SH3TC1: variants seen among roughly 807,000 people sequenced by gnomAD.
The protein encoded by SH3TC1 is SH3 domain and tetratricopeptide repeat-containing protein 1.
Under a neutral mutation model 117.3 loss-of-function variants are expected in SH3TC1, and 135 were observed. The observed-to-expected ratio is 1.15, with a 90% CI of 1.00 to 1.33. SH3TC1 has a LOEUF of 1.33. Ranked by LOEUF, SH3TC1 falls within the 40% of genes most tolerant of loss-of-function variation. The pLI is 0.00. For missense variants in SH3TC1, 2,092 were observed against 1,794.3 expected (o/e 1.17, Z -3.00); for synonymous variants, 898 against 816.9 (o/e 1.10, Z -1.69).
intron 1 of SH3TC1, among the ~76,000 whole-genome samples, chr4:8,188,825 C>T (rs1717317195): frequency 6.6e-6 from 1 of 152,238 alleles, no homozygotes; most frequent in Non-Finnish European, 1.5e-5. Context: ...CAAGGGGCTG[C>T]TGCCTGGAGC....
In SH3TC1 at chr4:8,183,372, C is replaced by T. The variant is rs896353989; in HGVS notation, c.-57+1162C>T. Among the ~76,000 whole-genome samples, 1 of 152,188 alleles carries T rather than the reference C, an allele frequency of 6.6e-6. No homozygotes were observed. The highest frequency in any genetic ancestry group is 2.4e-5 in the African/African-American group (1 of 41,450). The stretch of plus-strand genomic sequence containing the variant: ...TTTCCTGGTGCTGTGGGAACAATGA[C>T]CAGAAACCGGCCCTGCCCCACGCAT... On this transcript the variant is annotated intron_variant, in intron 1 of 16. Transcript: ENST00000508641. The surrounding 1 kb of genome is among the most constrained non-coding windows in gnomAD (Gnocchi z 5.4).
chr4:8,212,735 G>A lies in SH3TC1; in HGVS notation c.282G>A (p.Lys94=), dbSNP rs1718861743. The A allele has an allele frequency of 1.2e-6, 2 of 1,612,872 alleles. No individual in the cohort carries two copies. Among genetic ancestry groups the A allele is most frequent in the African/African-American group, 2.7e-5 (2 of 74,934 alleles). The change falls in exon 4 of 18, where the codon AAG becomes AAA. Residue 94 remains lysine (K), a synonymous_variant. Transcript: ENST00000245105. Reference sequence around the variant, plus strand: ...TGCAGCTGCTGGCTGTGCGGAGGAAGAGCAGACTGCGGGACCCCGGCCTAC... The same window carrying A: ...TGCAGCTGCTGGCTGTGCGGAGGAAAAGCAGACTGCGGGACCCCGGCCTAC... ...LTLQLLAVRR[K]SRLRDPGLQQ... is the part of the protein sequence containing the mutation.
intron 8 of SH3TC1, 71 bp from the exon 9 acceptor site, chr4:8,219,264 A>T (rs1719656241): frequency 6.9e-7 from 1 of 1,444,316 alleles, no homozygotes; most frequent in Non-Finnish European, 9.3e-7. Flanking sequence ...GGTGGCTGGC[A>T]TCGGCCCTGT....
rs145901044 is a variant in SH3TC1 at position 8,206,472 on chromosome 4, C to T, written c.172+1106C>T. Among the ~76,000 whole-genome samples the T allele has an allele frequency of 4.9e-3, 742 of 152,216 alleles. 3 individuals are homozygous for T. The highest frequency in any genetic ancestry group is 0.017 in the Middle Eastern group (5 of 294). On this transcript the variant is annotated intron_variant, in intron 2 of 17. Coordinates refer to ENST00000245105, the MANE Select transcript of SH3TC1 (RefSeq NM_018986.5). The surrounding 1 kb of genome is among the most constrained non-coding windows in gnomAD (Gnocchi z 5.5). ...CCCTGGCCAGCCTCCCACAGAGCCG[C>T]GGGGCCCAGGGAGGAGCTGGGAGCC...
intron 1 of SH3TC1, 167 bp from the exon 2 acceptor site, chr4:8,205,000 A>C (rs1329560120): frequency 8.6e-6 from 4 of 465,082 alleles, no homozygotes; most frequent in Non-Finnish European, 1.5e-5. Context: ...GTGCGGGATC[A>C]CGCCCACCAC....
chr4:8,234,501 ATCCATTCATCTGTCCATCCGTCCG>A, intron 14 of SH3TC1, among the ~76,000 whole-genome samples: 1 of 149,142 alleles, frequency 6.7e-6, no homozygotes, highest in Non-Finnish European at 1.5e-5. Context: ...CCACCCATCC[ATCCATTCATCTGTCCATCCGTCCG>A]TCCATCCATC....
At chr4:8,233,010 C>G (rs1050852745) in intron 13 of SH3TC1, 1 of 1,199,980 alleles carries the variant, frequency 8.3e-7, no homozygotes, top group Admixed American at 3.7e-5. Context: ...GACTGTGATG[C>G]CTGCGCACCT....
intron 9 of SH3TC1, 119 bp downstream of exon 9, chr4:8,219,649 A>T (rs568962875): frequency 6.2e-6 from 7 of 1,132,880 alleles, no homozygotes; most frequent in Non-Finnish European, 8.4e-6. Flanking sequence ...GACGATGCCT[A>T]GTCTCTTCCC....
intron 4 of SH3TC1, among the ~76,000 whole-genome samples, chr4:8,213,975 G>A (rs763158333): frequency 1.4e-4 from 22 of 151,940 alleles, no homozygotes; most frequent in Non-Finnish European, 3.1e-4. Flanking sequence ...CACACTTCCC[G>A]AGTCGGAAGA....
At chr4:8,236,781 A>C in intron 16 of SH3TC1, 1 of 223,684 alleles carries the variant, frequency 4.5e-6, no homozygotes, top group Admixed American at 5.6e-5. Context: ...TCCCACCCTC[A>C]TCAACCACAC....
At chr4:8,228,720 C>A (rs1212784853) in intron 12 of SH3TC1, 76 bp downstream of exon 12, 3 of 1,229,240 alleles carry the variant, frequency 2.4e-6, no homozygotes, top group African/African-American at 1.5e-5. Context: ...GTGATTCAGA[C>A]ACAAGCGGTG....
chr4:8,200,642 C>T (rs982435222), intron 1 of SH3TC1, among the ~76,000 whole-genome samples: 9 of 152,222 alleles, frequency 5.9e-5, no homozygotes, highest in South Asian at 2.1e-4. Flanking sequence ...GGCCCAGCAG[C>T]GCACGGGTGC....
chr4:8,217,277 A>G, intron 7 of SH3TC1, 110 bp downstream of exon 7: 3 of 1,324,860 alleles, frequency 2.3e-6, no homozygotes, highest in Non-Finnish European at 3.2e-6. Flanking sequence ...GGCCCCGGAC[A>G]GACCTGGCCA....
At position 8,219,025 on chromosome 4, in the gene SH3TC1, G is replaced by A. The variant is rs553085875; in HGVS notation, c.917-310G>A. On this transcript the variant is annotated intron_variant, in intron 8 of 17. Transcript: ENST00000245105. ...TGCAGGAGCCGGGTGGGGAGTAGGT[G>A]GGGCCGGGGGTTGTGGCTGCAGAAG... is the stretch of plus-strand genomic sequence containing the variant. Among the ~76,000 whole-genome samples the A allele has an allele frequency of 5.9e-5, 9 of 152,304 alleles. No individual in the cohort carries two copies. The East Asian group carries it at 1.7e-3, about 29-fold the overall frequency.
rs1719509191 is a variant in SH3TC1 at position 8,218,291 on chromosome 4, A to G, written c.860A>G (p.Gln287Arg). Residue 287 changes from glutamine (Q) to arginine (R), a missense_variant, in exon 8 of 18, where the codon CAG becomes CGG. Physicochemically the swap from Gln to Arg is conservative, Grantham distance 43. Coordinates refer to ENST00000245105, the MANE Select transcript of SH3TC1 (RefSeq NM_018986.5). ...PFHQWALRIP[Q>R]DPIDDAMGGP... ...TCCAGGTGGGCTCTTAGGATCCCCC[A>G]GGACCCCATCGACGATGCCATGGGT... 6.2e-7 allele frequency: 1 copy of G among 1,612,286 alleles called. No homozygotes were observed. Among genetic ancestry groups the G allele is most frequent in the Non-Finnish European group, 8.5e-7 (1 of 1,178,766 alleles).
intron 5 of SH3TC1, among the ~76,000 whole-genome samples, chr4:8,215,903 C>G (rs1719218470): frequency 6.6e-6 from 1 of 151,292 alleles, no homozygotes; most frequent in African/African-American, 2.4e-5. Flanking sequence ...GGTGGTGGAG[C>G]TGGGCTTGAC....
rs1561687968 is a variant in SH3TC1 at position 8,212,818 on chromosome 4, G to GC, written c.366dup (p.Val123ArgfsTer15). ...GAGAATGATAGCCGGGAGATGGCCC[G>GC]CGTGCTTGGGGTGAGTAGCCCTCTG... On this transcript the variant is annotated frameshift_variant, in exon 4 of 18. Transcript: ENST00000245105. LOFTEE classifies it high-confidence loss of function. 1.9e-6 allele frequency: 3 copies of GC among 1,583,898 alleles called. No homozygotes were observed. Among genetic ancestry groups the GC allele is most frequent in the Non-Finnish European group, 8.6e-7 (1 of 1,165,176 alleles).
upstream of SH3TC1, among the ~76,000 whole-genome samples, chr4:8,199,088 G>T (rs2152975929): frequency 6.6e-6 from 1 of 152,346 alleles, no homozygotes. Context: ...AGAGCCTGGG[G>T]GCTGGGCAGC....
At chr4:8,240,154 G>A (rs1170514031) in intron 17 of SH3TC1, among the ~76,000 whole-genome samples, 2 of 152,178 alleles carry the variant, frequency 1.3e-5, no homozygotes, top group Non-Finnish European at 2.9e-5. Flanking sequence ...TCCCAACCCA[G>A]GGATGGTGAG....
Sources: gnomAD v4.1 joint callset for allele counts (sites outside exome capture counted in the v4.1 genomes callset) on GRCh38, gnomAD v4.1.1 for gene constraint, Gnocchi (gnomAD v3.1) non-coding constraint, MANE v1.5 for transcripts, NCBI Gene and HGNC (gene_info 2026-07-23, HGNC 2026-07-21) for gene names.